TUBB8: variants seen among roughly 807,000 people sequenced by gnomAD.
The protein encoded by TUBB8 is tubulin beta-8 chain.
TUBB8 carries 25 observed loss-of-function variants against 33.7 expected under a neutral mutation model. The ratio of observed to expected loss-of-function variants is 0.74; its 90% CI spans 0.54 to 1.04. TUBB8 has a LOEUF of 1.04. Ranked by LOEUF, TUBB8 falls within the 50% of genes least tolerant of loss-of-function variation. The pLI is 0.00. For missense variants in TUBB8, 279 were observed against 608.0 expected (o/e 0.46, Z 5.69); for synonymous variants, 245 against 240.1 (o/e 1.02, Z -0.19).
chr10:64,975 TAAAAAAAA>T (rs61340461), intron 1 of TUBB8, among the ~76,000 whole-genome samples: 1 of 118,566 alleles, frequency 8.4e-6, no homozygotes, highest in Non-Finnish European at 1.8e-5. Flanking sequence ...CCATCTCCAC[TAAAAAAAA>T]AAAAAAAAAA....
At chr10:65,274 C>A (rs1784990074) in intron 1 of TUBB8, among the ~76,000 whole-genome samples, 1 of 152,238 alleles carries the variant, frequency 6.6e-6, no homozygotes, top group Non-Finnish European at 1.5e-5. Context: ...TTTCTTTCTG[C>A]TAATTTTTTT....
intron 1 of TUBB8, among the ~76,000 whole-genome samples, chr10:62,014 TCA>T (rs1394474566): frequency 4.0e-5 from 6 of 151,610 alleles, no homozygotes; most frequent in Middle Eastern, 6.8e-3. Context: ...TTTTTGTAGG[TCA>T]CAGATTATTG....
intron 1 of TUBB8, 66 bp from the exon 2 acceptor site, chr10:48,978 C>T (rs1332341500): frequency 1.6e-6 from 2 of 1,263,586 alleles, no homozygotes; most frequent in African/African-American, 1.5e-5. Flanking sequence ...GCCGCTCTCC[C>T]ACCCCCACCC....
intron 1 of TUBB8, among the ~76,000 whole-genome samples, chr10:72,745 G>T (rs562366482): frequency 1.7e-4 from 25 of 144,238 alleles, no homozygotes; most frequent in African/African-American, 3.7e-4. Context: ...CCCAGTTCTT[G>T]GGGAGGCTGA....
intron 1 of TUBB8, among the ~76,000 whole-genome samples, chr10:70,046 T>C (rs1404917001): frequency 6.6e-6 from 1 of 152,206 alleles, no homozygotes; most frequent in Non-Finnish European, 1.5e-5. Context: ...CTGGGAAACT[T>C]GCTCATCCTC....
In TUBB8 at chr10:48,880, G is replaced by T; in HGVS notation, c.90C>A (p.Ile30=). 1 of 1,566,418 alleles carries T rather than the reference G, an allele frequency of 6.4e-7. No individual in the cohort carries two copies. The highest frequency in any genetic ancestry group is 8.6e-7 in the Non-Finnish European group (1 of 1,157,678). ...FWEVISDEHA[I]DSAGTYHGDS... ...CCCCGTGGTAGGTGCCAGCGGAGTC[G>T]ATGGCATGTTCATCAGAGATCACCT... is the stretch of plus-strand genomic sequence containing the variant. The change falls in exon 2 of 4, where the codon ATC becomes ATA. Residue 30 remains isoleucine (I), a synonymous_variant. Transcript: ENST00000568584.
At chr10:68,092 G>GAGCT (rs1437598639) in intron 1 of TUBB8, among the ~76,000 whole-genome samples, 4 of 140,682 alleles carry the variant, frequency 2.8e-5, no homozygotes, top group Non-Finnish European at 4.7e-5. Context: ...AATACACAGA[G>GAGCT]AGCTGTTAAA....
intron 1 of TUBB8, among the ~76,000 whole-genome samples, chr10:72,456 G>C (rs1382441224): frequency 6.6e-6 from 1 of 152,052 alleles, no homozygotes; most frequent in African/African-American, 2.4e-5. Context: ...TACTCAGGAG[G>C]CTGATGCAGG....
chr10:66,520 A>G (rs1834672846), intron 1 of TUBB8, among the ~76,000 whole-genome samples: 1 of 152,220 alleles, frequency 6.6e-6, no homozygotes, highest in Non-Finnish European at 1.5e-5. Context: ...GTGACGATGC[A>G]TATCTGTAGT....
rs1426512099 is a variant in TUBB8 at position 48,223 on chromosome 10, C to G, written c.278-109G>C. On this transcript the variant is annotated intron_variant, in intron 3 of 3. Transcript: ENST00000568584. ...TCACACGTGAGGTGAGAGCACCGTTCGCCCTGCAGGTGGAGCAGATGAAAC... is the reference window on the plus strand; with the variant it reads ...TCACACGTGAGGTGAGAGCACCGTTGGCCCTGCAGGTGGAGCAGATGAAAC... 3 of 1,049,468 alleles carry G rather than the reference C, an allele frequency of 2.9e-6. No homozygotes were observed. The African/African-American group carries it at 4.7e-5, about 16-fold the overall frequency. 65.0% of individuals were successfully genotyped at this position (1,049,468 alleles called of 1,614,324 possible).
upstream of TUBB8, among the ~76,000 whole-genome samples, chr10:53,867 T>C (rs551091454): frequency 2.0e-5 from 3 of 152,420 alleles, no homozygotes; most frequent in South Asian, 2.1e-4. Context: ...CCTGCCTCAT[T>C]AGACTCTCCT....
chr10:66,450 G>T (rs1171646968), intron 1 of TUBB8, among the ~76,000 whole-genome samples: 2 of 152,262 alleles, frequency 1.3e-5, no homozygotes, highest in African/African-American at 4.8e-5. Flanking sequence ...GGAGTTTCAG[G>T]CCAGTCCGGC....
intron 1 of TUBB8, among the ~76,000 whole-genome samples, chr10:70,248 T>TTTG (rs1247786980): frequency 2.8e-5 from 4 of 143,266 alleles, no homozygotes; most frequent in South Asian, 2.3e-4. Context: ...ATAAGTATAT[T>TTTG]TTGTTGTTGT....
chr10:76,240 GCACAACGGCCTCTC>G (rs2130957419), upstream of TUBB8, among the ~76,000 whole-genome samples: 1 of 151,896 alleles, frequency 6.6e-6, no homozygotes, highest in African/African-American at 2.4e-5. Flanking sequence ...CCGACCGACG[GCACAACGGCCTCTC>G]CACGTTCCTC....
intron 1 of TUBB8, among the ~76,000 whole-genome samples, chr10:56,486 A>C (rs1834532526): frequency 6.6e-6 from 1 of 152,268 alleles, no homozygotes; most frequent in African/African-American, 2.4e-5. Context: ...AAAGCACAGC[A>C]CTGGCTTCTG....
upstream of TUBB8, among the ~76,000 whole-genome samples, chr10:50,912 C>A (rs1471161705): frequency 1.3e-5 from 2 of 152,152 alleles, no homozygotes; most frequent in African/African-American, 2.4e-5. Flanking sequence ...TTGGGATGGT[C>A]CAGGGAATCA....
At chr10:67,836 A>G (rs1834690583) in intron 1 of TUBB8, among the ~76,000 whole-genome samples, 1 of 152,168 alleles carries the variant, frequency 6.6e-6, no homozygotes, top group Non-Finnish European at 1.5e-5. Flanking sequence ...CAGTGCCACA[A>G]TCCTAGCTCT....
chr10:74,810 G>C (rs1273842409), upstream of TUBB8, among the ~76,000 whole-genome samples: 1 of 151,562 alleles, frequency 6.6e-6, no homozygotes, highest in African/African-American at 2.4e-5. Flanking sequence ...AGGATCACTT[G>C]AGCCCAGGAG....
At position 63,152 on chromosome 10, in the gene TUBB8, C is replaced by T. The variant is rs574997559; in HGVS notation, c.-846+10817G>A. 2.6e-5 allele frequency among the ~76,000 whole-genome samples: 4 copies of T among 152,152 alleles called. No individual in the cohort carries two copies. The East Asian group carries it at 7.7e-4, about 29-fold the overall frequency. ...GCAATGGCACAATCTTGGCTCACTG[C>T]AAGCTCCGCCTCCTGGGTTCACGCC... is the stretch of plus-strand genomic sequence containing the variant. On this transcript the variant is annotated intron_variant, in intron 1 of 3. Transcript: ENST00000564130.
Sources: allele counts gnomAD v4.1 joint callset (sites outside exome capture counted in the v4.1 genomes callset), GRCh38; gene constraint gnomAD v4.1.1; transcripts MANE v1.5; gene names NCBI Gene and HGNC (gene_info 2026-07-23, HGNC 2026-07-21).